Variants in ANKRD30BL observed in about 807,000 individuals in gnomAD.
ANKRD30BL encodes ankyrin repeat domain 30B like.
Under a neutral mutation model 18.4 loss-of-function variants are expected in ANKRD30BL, and 20 were observed. The ratio of observed to expected loss-of-function variants is 1.09; its 90% CI spans 0.77 to 1.58. The LOEUF (loss-of-function observed/expected upper bound fraction) is 1.58, where lower values mean the gene tolerates loss of function less well. ANKRD30BL is among the 40% of genes most tolerant of loss of function. The probability of loss-of-function intolerance (pLI) is 0.00; values close to 1 mark genes in which losing one functional copy is unlikely to be tolerated. For synonymous variants in ANKRD30BL, 72 were observed against 100.9 expected, an observed-to-expected ratio of 0.71 and a Z score of 1.72; for missense variants, 224 against 268.6, an observed-to-expected ratio of 0.83 and a Z score of 1.16.
chr2:132,229,603 G>A lies in ANKRD30BL; in HGVS notation n.441+27926C>T, dbSNP rs1055838387. On this transcript the variant is annotated intron_variant and non_coding_transcript_variant, in intron 1 of 4. Transcript: ENST00000470729. ...TTATTTGGAACTCTGTGAGGCCTTC[G>A]TTGGAAACGGGAATATCTTCACATA... Among the ~76,000 whole-genome samples, 10 of 151,970 alleles carry A rather than the reference G, an allele frequency of 6.6e-5. 1 individual carries two copies. The highest frequency in any genetic ancestry group is 1.5e-4 in the African/African-American group (6 of 41,378).
chr2:132,213,290 T>C (rs1044590120), intron 1 of ANKRD30BL, among the ~76,000 whole-genome samples: 9 of 152,064 alleles, frequency 5.9e-5, no homozygotes, highest in African/African-American at 2.2e-4. Flanking sequence ...AGGCCTATGG[T>C]GGAAAAGGAA....
Position 132,247,694 on chromosome 2 carries a change from G to C in ANKRD30BL, n.441+9835C>G, listed in dbSNP as rs562936936. Among the ~76,000 whole-genome samples, 48 of 152,128 alleles carry C rather than the reference G, an allele frequency of 3.2e-4. 1 individual carries two copies. The highest frequency in any genetic ancestry group is 1.9e-3 in the East Asian group (10 of 5,168). The stretch of plus-strand genomic sequence containing the variant: ...AATCAAAAGAAAAGTTCTACTCTGT[G>C]AGATGAAAGCACACATCATAAGGAA... On this transcript the variant is annotated intron_variant and non_coding_transcript_variant, in intron 1 of 4. Transcript: ENST00000470729.
chr2:132,177,870 G>C (rs1394984116), intron 1 of ANKRD30BL, among the ~76,000 whole-genome samples: 1 of 151,922 alleles, frequency 6.6e-6, no homozygotes, highest in African/African-American at 2.4e-5. Flanking sequence ...GCTTTCATGG[G>C]AATTTTTTTG....
At chr2:132,196,572 T>C (rs934133684) in intron 1 of ANKRD30BL, among the ~76,000 whole-genome samples, 2 of 152,140 alleles carry the variant, frequency 1.3e-5, no homozygotes, top group Non-Finnish European at 2.9e-5. Context: ...TGGATCATGA[T>C]ATCAGGAGTT....
chr2:132,208,370 T>C (rs1192507574), intron 1 of ANKRD30BL, among the ~76,000 whole-genome samples: 2 of 152,062 alleles, frequency 1.3e-5, no homozygotes, highest in Admixed American at 1.3e-4. Flanking sequence ...ATTCTTAGAC[T>C]CCCTGAAGTT....
chr2:132,155,338 T>G (rs1207736453), intron 3 of ANKRD30BL: 3 of 152,160 alleles, frequency 2.0e-5, no homozygotes. Context: ...ATTTGACAAA[T>G]TAGAATTTCA....
chr2:132,250,788 A>C (rs1680629388), intron 1 of ANKRD30BL, among the ~76,000 whole-genome samples: 1 of 152,198 alleles, frequency 6.6e-6, no homozygotes, highest in Non-Finnish European at 1.5e-5. Flanking sequence ...AAATTTTGCC[A>C]GTATTGTCTT....
chr2:132,218,206 A>G (rs1366470644), intron 1 of ANKRD30BL, among the ~76,000 whole-genome samples: 2 of 152,274 alleles, frequency 1.3e-5, no homozygotes, highest in Non-Finnish European at 2.9e-5. Flanking sequence ...CTTTTGATAC[A>G]GCAGCTTTGA....
intron 1 of ANKRD30BL, among the ~76,000 whole-genome samples, chr2:132,209,310 G>A (rs1483729765): frequency 6.8e-6 from 1 of 147,304 alleles, no homozygotes; most frequent in Non-Finnish European, 1.5e-5. Flanking sequence ...AAAGTTGGAG[G>A]GCTTTGGGAC....
At chr2:132,221,605 C>T (rs1327126615) in intron 1 of ANKRD30BL, among the ~76,000 whole-genome samples, 1 of 131,800 alleles carries the variant, frequency 7.6e-6, no homozygotes, top group African/African-American at 3.3e-5. Flanking sequence ...GGGGGATCAG[C>T]CCCCCGCCCG....
chr2:132,234,736 C>G lies in ANKRD30BL; in HGVS notation n.441+22793G>C, dbSNP rs1340953921. On this transcript the variant is annotated intron_variant and non_coding_transcript_variant, in intron 1 of 4. Transcript: ENST00000470729. ...AAGAGTCCAGGACCAGATGGATTCA[C>G]AGCCGAATTCTACCAGAGGTACAAG... Among the ~76,000 whole-genome samples the G allele has an allele frequency of 2.0e-5, 3 of 152,254 alleles. No homozygotes were observed. In the East Asian group the frequency reaches 5.8e-4, roughly 29 times the overall value.
chr2:132,200,101 T>C (rs1245384545), intron 1 of ANKRD30BL, among the ~76,000 whole-genome samples: 1 of 152,062 alleles, frequency 6.6e-6, no homozygotes, highest in African/African-American at 2.4e-5. Context: ...CAACCCTTCA[T>C]GCTAAAAACT....
At chr2:132,158,569 A>T (rs1185183690) in intron 1 of ANKRD30BL, among the ~76,000 whole-genome samples, 1 of 151,854 alleles carries the variant, frequency 6.6e-6, no homozygotes. Flanking sequence ...CTGAGCAGGT[A>T]AATGTGAAAT....
upstream of ANKRD30BL, among the ~76,000 whole-genome samples, chr2:132,163,888 G>A (rs1453101116): frequency 3.3e-5 from 5 of 152,198 alleles, no homozygotes; most frequent in Non-Finnish European, 4.4e-5. Flanking sequence ...CTTCTAGACC[G>A]TCTTAGTTTA....
At chr2:132,248,886 C>A (rs963309505) in intron 1 of ANKRD30BL, among the ~76,000 whole-genome samples, 2 of 152,108 alleles carry the variant, frequency 1.3e-5, no homozygotes, top group Non-Finnish European at 2.9e-5. Context: ...AATGGTTCAA[C>A]TCTGTGAGAT....
In ANKRD30BL at chr2:132,154,816, T is replaced by C. The variant is rs750272554; in HGVS notation, c.508-48A>G. The C allele has an allele frequency of 1.5e-4, 97 of 650,436 alleles. 2 individuals are homozygous for C. In the South Asian group the frequency reaches 1.7e-3, roughly 11 times the overall value. 40.3% of individuals were successfully genotyped at this position (650,436 alleles called of 1,614,324 possible). A position where few individuals can be genotyped will look rare whatever the true frequency, so the allele number is the denominator to read the frequency against. On this transcript the variant is annotated intron_variant, in intron 3 of 5. Coordinates refer to ENST00000409867, the MANE Select transcript of ANKRD30BL (RefSeq NM_001358416.1). ...TATAATTCATGAAATTACATATTTC[T>C]CAGCTGAATTGAATACCTTATATAA...
chr2:132,210,422 C>T (rs1395336852), intron 1 of ANKRD30BL, among the ~76,000 whole-genome samples: 5 of 151,884 alleles, frequency 3.3e-5, no homozygotes, highest in African/African-American at 9.7e-5. Flanking sequence ...GTGATTTGTG[C>T]ATTCAACACA....
intron 3 of ANKRD30BL, 128 bp from the exon 4 acceptor site, chr2:132,154,896 A>C: frequency 1.9e-6 from 1 of 513,906 alleles, no homozygotes; most frequent in Non-Finnish European, 3.5e-6. Flanking sequence ...CTTCTTTCTC[A>C]CTTTTCTGTG....
chr2:132,148,440 G>A (rs1687671883), intron 5 of ANKRD30BL, among the ~76,000 whole-genome samples: 1 of 125,284 alleles, frequency 8.0e-6, no homozygotes, highest in Non-Finnish European at 1.6e-5. Flanking sequence ...GATCTCAGCA[G>A]ATCACTGCAA....
Sources: allele counts gnomAD v4.1 joint callset (sites outside exome capture counted in the v4.1 genomes callset), GRCh38; gene constraint gnomAD v4.1.1; transcripts MANE v1.5; gene names NCBI Gene and HGNC (gene_info 2026-07-23, HGNC 2026-07-21).